TNS1: variants seen among roughly 807,000 people sequenced by gnomAD.
The protein encoded by TNS1 is tensin-1.
A neutral mutation model predicts 168.6 loss-of-function variants in TNS1; 62 were observed. The observed-to-expected ratio is 0.37, with a 90% confidence interval of 0.30 to 0.45. The LOEUF is 0.45. TNS1 is among the 20% of genes least tolerant of loss of function. The probability of loss-of-function intolerance (pLI) is 1.00; values close to 1 mark genes in which losing one functional copy is unlikely to be tolerated. For synonymous variants in TNS1, 934 were observed against 933.2 expected, an observed-to-expected ratio of 1.00 and a Z score of -0.02; for missense variants, 2,240 against 2,339.4, an observed-to-expected ratio of 0.96 and a Z score of 0.88.
intron 2 of TNS1, among the ~76,000 whole-genome samples, chr2:217,983,141 T>C (rs367778483): frequency 5.9e-5 from 9 of 152,062 alleles, no homozygotes; most frequent in African/African-American, 1.7e-4. Flanking sequence ...AGTCTGTGAG[T>C]GACAGGGATG....
intron 22 of TNS1, among the ~76,000 whole-genome samples, chr2:217,829,564 C>A (rs1180288258): frequency 2.0e-5 from 3 of 152,178 alleles, no homozygotes; most frequent in Admixed American, 2.0e-4. Flanking sequence ...GAGGAAGGTG[C>A]AAGAGGAGCG....
chr2:217,830,442 C>T, intron 22 of TNS1: 3 of 1,604,368 alleles, frequency 1.9e-6, no homozygotes, highest in South Asian at 1.1e-5. Context: ...GCCCTAAAAC[C>T]AGAGTCCAGG....
chr2:217,995,665 C>T lies in TNS1; in HGVS notation c.34-4609G>A, dbSNP rs756585064. Among the ~76,000 whole-genome samples the T allele has an allele frequency of 2.0e-5, 3 of 152,126 alleles. No individual in the cohort carries two copies. The highest frequency in any genetic ancestry group is 2.9e-5 in the Non-Finnish European group (2 of 68,028). ...GCAGACGGCCTCACGGAGCACACCC[C>T]GGGGCCCTTCCTTTGCTGGCTGCAA... is the stretch of plus-strand genomic sequence containing the variant. On this transcript the variant is annotated intron_variant, in intron 1 of 32. Coordinates refer to ENST00000682258, the MANE Select transcript of TNS1 (RefSeq NM_001387777.1). This position sits in a 1 kb window ranked among gnomAD's most constrained non-coding sequence, Gnocchi z 4.1.
exon 1 of TNS1, chr2:218,010,381 G>A (rs11886589): frequency 0.036 from 13,995 of 392,298 alleles, 841 homozygotes; most frequent in East Asian, 0.18. Flanking sequence ...CTAGCGGGAG[G>A]AGCGGCGCGG....
chr2:217,823,206 T>A (rs575818246), intron 22 of TNS1, among the ~76,000 whole-genome samples: 1 of 152,122 alleles, frequency 6.6e-6, no homozygotes, highest in Admixed American at 6.5e-5. Flanking sequence ...ATAGTAAATA[T>A]CTTAGGCTGT....
In TNS1 at chr2:217,983,334, C is replaced by G. The variant is rs117608302; in HGVS notation, c.149-4532G>C. Among the ~76,000 whole-genome samples, 208 of 152,272 alleles carry G rather than the reference C, an allele frequency of 1.4e-3. 3 individuals are homozygous for G. The East Asian group carries it at 0.039, about 28-fold the overall frequency. ...AGAAGGCCCCGAAATTACAAACCCA[C>G]GTATGCACCCTCCTGAGCCAGTGAC... is the stretch of plus-strand genomic sequence containing the variant. On this transcript the variant is annotated intron_variant, in intron 2 of 32. Transcript: ENST00000682258.
intron 1 of TNS1, among the ~76,000 whole-genome samples, chr2:218,000,593 G>C (rs1368451902): frequency 6.6e-6 from 1 of 152,240 alleles, no homozygotes; most frequent in Admixed American, 6.5e-5. Flanking sequence ...GCCATACAAG[G>C]AGTATATTAT....
chr2:218,012,098 T>C (rs1361701687), upstream of TNS1, among the ~76,000 whole-genome samples: 1 of 152,144 alleles, frequency 6.6e-6, no homozygotes, highest in Non-Finnish European at 1.5e-5. Context: ...GCCTTCCTCC[T>C]CTTCTAGGGG....
chr2:217,874,023 AACACACACACAC>A (rs3838561), intron 18 of TNS1, among the ~76,000 whole-genome samples: 1 of 111,478 alleles, frequency 9.0e-6, no homozygotes, highest in African/African-American at 3.6e-5. Flanking sequence ...CCCCCCAACC[AACACACACACAC>A]ACACACACAC....
At chr2:217,911,849 G>T (rs1430004151) in intron 4 of TNS1, among the ~76,000 whole-genome samples, 1 of 152,206 alleles carries the variant, frequency 6.6e-6, no homozygotes, top group Non-Finnish European at 1.5e-5. Flanking sequence ...TCTGAAAATT[G>T]AAGGCCAGTT....
intron 2 of TNS1, among the ~76,000 whole-genome samples, chr2:217,985,005 C>T (rs1958157768): frequency 6.6e-6 from 1 of 151,954 alleles, no homozygotes; most frequent in Non-Finnish European, 1.5e-5. Context: ...GATCTGCCTA[C>T]CTCGGCCTCC....
At chr2:217,842,095 G>A (rs1195317364) in intron 19 of TNS1, 4 of 702,854 alleles carry the variant, frequency 5.7e-6, no homozygotes, top group Non-Finnish European at 7.8e-6. Flanking sequence ...TTCCTATGCT[G>A]GTTCCCTCCT....
intron 3 of TNS1, among the ~76,000 whole-genome samples, chr2:217,950,919 CT>C (rs1006820319): frequency 3.3e-5 from 5 of 152,096 alleles, no homozygotes; most frequent in African/African-American, 9.6e-5. Context: ...CTGCCCCGGG[CT>C]CCGAGGGAAA....
At chr2:217,969,242 C>T (rs1030097266) in intron 3 of TNS1, among the ~76,000 whole-genome samples, 2 of 152,108 alleles carry the variant, frequency 1.3e-5, no homozygotes, top group African/African-American at 4.8e-5. Context: ...ATCTTTTCAC[C>T]AAATAGTGCT....
In TNS1 at chr2:217,835,031, G is replaced by C. The variant is rs184227006; in HGVS notation, c.3280+60C>G. The C allele has an allele frequency of 2.8e-5, 41 of 1,469,494 alleles. No homozygotes were observed. In the East Asian group the frequency reaches 8.0e-4, roughly 29 times the overall value. The allele number at this position is 1,469,494 out of a possible 1,614,324, so 91.0% of individuals were successfully genotyped here. A position where few individuals can be genotyped will look rare whatever the true frequency, so the allele number is the denominator to read the frequency against. On this transcript the variant is annotated intron_variant, in intron 21 of 32. Coordinates refer to ENST00000682258, the MANE Select transcript of TNS1 (RefSeq NM_001387777.1). The stretch of plus-strand genomic sequence containing the variant: ...CAGGCCTGGGGCACTCCCACAGGCA[G>C]GGTTGAGCTGAGGGGCTGGAGGGTA...
chr2:217,942,254 G>T (rs1341780133), intron 3 of TNS1, among the ~76,000 whole-genome samples: 3 of 152,184 alleles, frequency 2.0e-5, no homozygotes, highest in Non-Finnish European at 4.4e-5. Context: ...TGGTTACAGT[G>T]CTGGCTCCCA....
chr2:218,030,223 G>C (rs1958880883), intron 1 of TNS1, among the ~76,000 whole-genome samples: 1 of 152,216 alleles, frequency 6.6e-6, no homozygotes, highest in East Asian at 1.9e-4. Flanking sequence ...TTCTATAACA[G>C]GTCCCGGCTC....
chr2:217,874,280 C>T (rs1277000416), intron 18 of TNS1, among the ~76,000 whole-genome samples: 1 of 152,116 alleles, frequency 6.6e-6, no homozygotes, highest in Non-Finnish European at 1.5e-5. Flanking sequence ...TCTGCTTGTT[C>T]AGCCCAGTAA....
intron 3 of TNS1, 145 bp from the exon 4 acceptor site, chr2:217,920,381 A>G: frequency 1.6e-6 from 1 of 633,072 alleles, no homozygotes; most frequent in East Asian, 2.8e-5. Context: ...TCAGCAGACT[A>G]TGGAGCAACA....
Sources: gnomAD v4.1 joint callset for allele counts (sites outside exome capture counted in the v4.1 genomes callset) on GRCh38, gnomAD v4.1.1 for gene constraint, Gnocchi (gnomAD v3.1) non-coding constraint, MANE v1.5 for transcripts, NCBI Gene and HGNC (gene_info 2026-07-23, HGNC 2026-07-21) for gene names.